Variants in RALGPS1 observed in about 807,000 individuals in gnomAD.
RALGPS1 encodes ras-specific guanine nucleotide-releasing factor RalGPS1.
RALGPS1 carries 19 observed loss-of-function variants against 78.8 expected under a neutral mutation model. The ratio of observed to expected loss-of-function variants is 0.24; its 90% confidence interval spans 0.17 to 0.35. The LOEUF (loss-of-function observed/expected upper bound fraction) is 0.35, where lower values mean the gene tolerates loss of function less well. Among genes scored for constraint, RALGPS1 ranks in the 10% least tolerant of loss-of-function variants. RALGPS1 has a pLI of 1.00. For synonymous variants in RALGPS1, 228 were observed against 256.3 expected (o/e 0.89, Z 1.06); for missense variants, 454 against 688.3 (o/e 0.66, Z 3.81).
rs937316706 is a variant in RALGPS1, at chr9:127,091,677, G to T, written c.610+22321G>T. ...TGACTCCACTTTTCCTACCTGTGTA[G>T]ACATCATGATCTCTGTCCAGGGTGG... On this transcript the variant is annotated intron_variant, in intron 8 of 18. Transcript: ENST00000259351. This position sits in a 1 kb window ranked among gnomAD's most constrained non-coding sequence, Gnocchi z 4.3. 1 of 1,613,490 alleles carries T rather than the reference G, an allele frequency of 6.2e-7. No individual in the cohort carries two copies. Among genetic ancestry groups the T allele is most frequent in the African/African-American group, 1.3e-5 (1 of 74,878 alleles).
At chr9:127,019,341 T>C (rs1386775719) in intron 4 of RALGPS1, among the ~76,000 whole-genome samples, 1 of 152,156 alleles carries the variant, frequency 6.6e-6, no homozygotes, top group Non-Finnish European at 1.5e-5. Flanking sequence ...TTTTATTTTA[T>C]TTTTGAGATG....
intron 8 of RALGPS1, among the ~76,000 whole-genome samples, chr9:127,131,485 G>A (rs562993761): frequency 2.2e-4 from 33 of 152,172 alleles, no homozygotes; most frequent in Non-Finnish European, 1.0e-4. Flanking sequence ...ACGTCATTGA[G>A]TTCTCAAAAA....
chr9:126,936,638 G>A (rs986524023), intron 1 of RALGPS1, among the ~76,000 whole-genome samples: 7 of 152,122 alleles, frequency 4.6e-5, no homozygotes, highest in African/African-American at 1.7e-4. Flanking sequence ...CTATTAAAGG[G>A]AGAGGGCCCC....
chr9:126,957,702 A>G (rs1564306226), intron 1 of RALGPS1, among the ~76,000 whole-genome samples: 1 of 152,008 alleles, frequency 6.6e-6, no homozygotes, highest in Non-Finnish European at 1.5e-5. Context: ...TTTGAAGTGT[A>G]TGGGTTTTTC....
At chr9:126,917,394 G>A (rs1431361533) in intron 1 of RALGPS1, among the ~76,000 whole-genome samples, 1 of 152,214 alleles carries the variant, frequency 6.6e-6, no homozygotes, top group Non-Finnish European at 1.5e-5. Context: ...AGGGTGGAGA[G>A]AAATACTTCA....
intron 4 of RALGPS1, among the ~76,000 whole-genome samples, chr9:127,012,046 G>A (rs533435307): frequency 6.6e-6 from 1 of 152,308 alleles, no homozygotes; most frequent in South Asian, 2.1e-4. Context: ...CCCAATTGCA[G>A]GGTGTGGAGG....
At chr9:127,215,837 TC>T (rs370166844) in intron 18 of RALGPS1, among the ~76,000 whole-genome samples, 94 of 152,316 alleles carry the variant, frequency 6.2e-4, no homozygotes, top group African/African-American at 2.2e-3. Flanking sequence ...ATGTGTGTTT[TC>T]CCCAGGGATC....
Position 127,211,096 on chromosome 9 carries a change from A to C in RALGPS1, c.1248-1035A>C, listed in dbSNP as rs971703714. 5.3e-5 allele frequency among the ~76,000 whole-genome samples: 8 copies of C among 152,268 alleles called. No individual in the cohort carries two copies. The highest frequency in any genetic ancestry group is 1.9e-4 in the African/African-American group (8 of 41,472). On this transcript the variant is annotated intron_variant, in intron 14 of 18. Coordinates refer to ENST00000259351, the MANE Select transcript of RALGPS1 (RefSeq NM_014636.3). The surrounding 1 kb of genome is among the most constrained non-coding windows in gnomAD (Gnocchi z 5.0). Reference sequence around the variant, plus strand: ...AAAGGGACAGCATGGGCTATGAGGCAGGAAGAGCTGGGTGATTCGAGTGAA... The same window carrying C: ...AAAGGGACAGCATGGGCTATGAGGCCGGAAGAGCTGGGTGATTCGAGTGAA...
At position 127,221,450 on chromosome 9, in the gene RALGPS1, CATT is replaced by C. The variant is rs1224897574; in HGVS notation, c.*2682_*2684del. 2 of 152,180 alleles carry C rather than the reference CATT, an allele frequency of 1.3e-5. No homozygotes were observed. The highest frequency in any genetic ancestry group is 4.8e-5 in the African/African-American group (2 of 41,436). 9.4% of individuals were successfully genotyped at this position (152,180 alleles called of 1,614,324 possible). A position where few individuals can be genotyped will look rare whatever the true frequency, so the allele number is the denominator to read the frequency against. The stretch of plus-strand genomic sequence containing the variant: ...CAACTGTGGAGTTGGTAGCTGGTAA[CATT>C]GTTGTCTCAAGAACAACTCACCTCT... On this transcript the variant is annotated 3_prime_UTR_variant, in exon 19 of 19. Transcript: ENST00000259351.
intron 1 of RALGPS1, among the ~76,000 whole-genome samples, chr9:126,957,547 A>G (rs1281948288): frequency 6.6e-6 from 1 of 152,142 alleles, no homozygotes; most frequent in Non-Finnish European, 1.5e-5. Flanking sequence ...AGTCACTTTA[A>G]TCCTGTTTGA....
chr9:126,969,658 G>A (rs1458473140), intron 3 of RALGPS1, among the ~76,000 whole-genome samples: 1 of 152,156 alleles, frequency 6.6e-6, no homozygotes, highest in Non-Finnish European at 1.5e-5. Context: ...AAGCAATAAC[G>A]AGGCTTAAAA....
At chr9:126,961,617 A>T (rs1055773227) in intron 1 of RALGPS1, among the ~76,000 whole-genome samples, 1 of 152,154 alleles carries the variant, frequency 6.6e-6, no homozygotes, top group Non-Finnish European at 1.5e-5. Flanking sequence ...CAGCTAGGCA[A>T]CATAGCAAGA....
chr9:126,970,141 G>T (rs1466777883), intron 3 of RALGPS1, among the ~76,000 whole-genome samples: 1 of 151,954 alleles, frequency 6.6e-6, no homozygotes, highest in Non-Finnish European at 1.5e-5. Context: ...TTCCCCCACC[G>T]CCCCACTGTA....
chr9:127,008,274 C>T (rs1020025981), intron 4 of RALGPS1, among the ~76,000 whole-genome samples: 9 of 152,180 alleles, frequency 5.9e-5, no homozygotes, highest in Admixed American at 5.2e-4. Context: ...GTGGCTAGTA[C>T]ACTTCTTACT....
At chr9:127,055,988 G>A (rs900538691) in intron 7 of RALGPS1, among the ~76,000 whole-genome samples, 3 of 152,172 alleles carry the variant, frequency 2.0e-5, no homozygotes, top group Non-Finnish European at 2.9e-5. Flanking sequence ...TGCAGCCAAT[G>A]AGCCAGAGAG....
intron 4 of RALGPS1, among the ~76,000 whole-genome samples, chr9:126,993,107 C>T (rs2042417342): frequency 6.6e-6 from 1 of 152,132 alleles, no homozygotes; most frequent in African/African-American, 2.4e-5. Flanking sequence ...TTATCAAATG[C>T]TTTTCCTGCA....
At chr9:127,217,220 A>AT (rs1200995275) in intron 18 of RALGPS1, 1 of 1,220,740 alleles carries the variant, frequency 8.2e-7, no homozygotes, top group Non-Finnish European at 1.0e-6. Context: ...TTTTTGTCTG[A>AT]TTTTCAGACC....
intron 1 of RALGPS1, among the ~76,000 whole-genome samples, chr9:126,934,520 G>A (rs1458272331): frequency 2.6e-5 from 4 of 152,164 alleles, no homozygotes; most frequent in Non-Finnish European, 5.9e-5. Context: ...CCTGTCAAGC[G>A]GAGCCCGATG....
intron 8 of RALGPS1, among the ~76,000 whole-genome samples, chr9:127,114,004 C>T (rs1471907674): frequency 6.6e-6 from 1 of 152,236 alleles, no homozygotes; most frequent in Non-Finnish European, 1.5e-5. Context: ...TTTGAGTTCA[C>T]CCCAAAGGTT....
Sources: gnomAD v4.1 joint callset for allele counts (sites outside exome capture counted in the v4.1 genomes callset) on GRCh38, gnomAD v4.1.1 for gene constraint, Gnocchi (gnomAD v3.1) non-coding constraint, MANE v1.5 for transcripts, NCBI Gene and HGNC (gene_info 2026-07-23, HGNC 2026-07-21) for gene names.